Variants in EXOC6B observed in about 807,000 individuals in gnomAD.
The protein encoded by EXOC6B is exocyst complex component 6B, also known as SEC15 homolog B.
In EXOC6B, 54 loss-of-function variants were observed where a neutral mutation model predicts 113.5. The observed-to-expected ratio is 0.48, with a 90% CI of 0.38 to 0.60. The LOEUF (loss-of-function observed/expected upper bound fraction) is 0.60, where lower values mean the gene tolerates loss of function less well. Ranked by LOEUF, EXOC6B falls within the 20% of genes least tolerant of loss-of-function variation. The pLI, the probability that EXOC6B is intolerant of heterozygous loss-of-function variation, is 0.00. For missense variants in EXOC6B, 797 were observed against 977.5 expected, an observed-to-expected ratio of 0.82 and a Z score of 2.46; for synonymous variants, 357 against 339.0, an observed-to-expected ratio of 1.05 and a Z score of -0.58.
At chr2:72,771,086 T>G (rs1683381681) in intron 1 of EXOC6B, among the ~76,000 whole-genome samples, 2 of 152,134 alleles carry the variant, frequency 1.3e-5, no homozygotes, top group Admixed American at 6.6e-5. Context: ...ATAAAGAGTA[T>G]CCTCTGAAAA....
chr2:72,556,070 C>G (rs914631821), intron 8 of EXOC6B, among the ~76,000 whole-genome samples: 17 of 152,194 alleles, frequency 1.1e-4, no homozygotes, highest in South Asian at 2.1e-4. Flanking sequence ...AAAGCAATGG[C>G]TACTAAAAGA....
At chr2:72,646,144 A>G (rs1172283002) in intron 6 of EXOC6B, among the ~76,000 whole-genome samples, 2 of 152,202 alleles carry the variant, frequency 1.3e-5, no homozygotes, top group Non-Finnish European at 2.9e-5. Context: ...ACAAACTACC[A>G]TCAGAGAATA....
At chr2:72,658,085 G>A (rs1674722587) in intron 6 of EXOC6B, among the ~76,000 whole-genome samples, 1 of 150,626 alleles carries the variant, frequency 6.6e-6, no homozygotes, top group South Asian at 2.1e-4. Context: ...ATCCAGTCCA[G>A]CTCTTTAAGT....
intron 6 of EXOC6B, among the ~76,000 whole-genome samples, chr2:72,601,214 ACT>A (rs1289094763): frequency 6.8e-6 from 1 of 146,868 alleles, no homozygotes. Flanking sequence ...ACGGAGACTC[ACT>A]CTGTCACCCA....
chr2:72,443,211 T>G (rs376644309), intron 18 of EXOC6B, among the ~76,000 whole-genome samples: 13 of 151,112 alleles, frequency 8.6e-5, no homozygotes, highest in African/African-American at 2.4e-4. Context: ...TAGTTCCAGC[T>G]ACTCAGGAGG....
At chr2:72,395,388 C>T (rs1692659638) in intron 18 of EXOC6B, among the ~76,000 whole-genome samples, 1 of 152,132 alleles carries the variant, frequency 6.6e-6, no homozygotes, top group Non-Finnish European at 1.5e-5. Context: ...AGCATTTCTC[C>T]TCCCAAACAC....
At chr2:72,609,541 T>C (rs567879307) in intron 6 of EXOC6B, among the ~76,000 whole-genome samples, 5 of 148,528 alleles carry the variant, frequency 3.4e-5, no homozygotes, top group African/African-American at 1.0e-4. Flanking sequence ...AAAAGTAGAC[T>C]AAACAAACCA....
chr2:72,379,748 C>G lies in EXOC6B; in HGVS notation c.2103G>C (p.Leu701Phe). Residue 701 changes from leucine to phenylalanine, a missense_variant, in exon 19 of 22, where the codon TTG becomes TTC. Leu to Phe is a conservative substitution (Grantham distance 22). Transcript: ENST00000272427. ...TCTTACGTTCACATTCTCTGACGTC[C>G]AAGTTGAACTGCTGTAATGCTCCCA... The part of the protein sequence containing the change: ...LTLGALQQFN[L>F]DVRECEQFAR... The G allele has an allele frequency of 6.2e-7, 1 of 1,611,498 alleles. No homozygotes were observed. Among genetic ancestry groups the G allele is most frequent in the South Asian group, 1.1e-5 (1 of 90,510 alleles).
At chr2:72,180,407 G>A (rs1277469719) in intron 21 of EXOC6B, among the ~76,000 whole-genome samples, 1 of 152,096 alleles carries the variant, frequency 6.6e-6, no homozygotes, top group Non-Finnish European at 1.5e-5. Flanking sequence ...CCCTGCAGAG[G>A]GCCCACAACC....
chr2:72,206,167 C>A (rs13417114), intron 20 of EXOC6B, among the ~76,000 whole-genome samples: 32,035 of 152,026 alleles, frequency 0.21, 3,559 homozygotes, highest in African/African-American at 0.25. Context: ...CCTATTTTAC[C>A]GATAAGGTAA....
rs913021769 is a variant in EXOC6B, at chr2:72,319,076, G to C, written c.2196+15871C>G. On this transcript the variant is annotated intron_variant, in intron 20 of 21. Coordinates refer to ENST00000272427, the MANE Select transcript of EXOC6B (RefSeq NM_015189.3). ...TCTTATATAAATAATTTACATTAAG[G>C]AGTAATTCAGATTAAAAGGCTTTAG... is the stretch of plus-strand genomic sequence containing the variant. Among the ~76,000 whole-genome samples the C allele has an allele frequency of 3.3e-5, 5 of 151,742 alleles. No homozygotes were observed. The South Asian group carries it at 1.0e-3, about 32-fold the overall frequency.
At chr2:72,227,899 C>T (rs1681344022) in intron 20 of EXOC6B, among the ~76,000 whole-genome samples, 1 of 152,102 alleles carries the variant, frequency 6.6e-6, no homozygotes, top group Non-Finnish European at 1.5e-5. Flanking sequence ...TAGTGTTACA[C>T]AACTAATGTG....
At chr2:72,427,638 T>C (rs1695278867) in intron 18 of EXOC6B, among the ~76,000 whole-genome samples, 1 of 152,204 alleles carries the variant, frequency 6.6e-6, no homozygotes, top group South Asian at 2.1e-4. Context: ...AACTCAGCAC[T>C]GGCTTGCAGG....
At chr2:72,254,681 T>C (rs1410006343) in intron 20 of EXOC6B, among the ~76,000 whole-genome samples, 2 of 152,132 alleles carry the variant, frequency 1.3e-5, no homozygotes. Context: ...AAAGCCTAGA[T>C]TGAAGATATT....
intron 16 of EXOC6B, among the ~76,000 whole-genome samples, chr2:72,481,767 G>C (rs1322876322): frequency 6.6e-6 from 1 of 151,848 alleles, no homozygotes; most frequent in East Asian, 1.9e-4. Flanking sequence ...ATATTCTGTT[G>C]TCAACACTAT....
At chr2:72,441,312 A>G (rs1293827604) in intron 18 of EXOC6B, among the ~76,000 whole-genome samples, 1 of 152,172 alleles carries the variant, frequency 6.6e-6, no homozygotes, top group African/African-American at 2.4e-5. Flanking sequence ...CAATTTAAAA[A>G]TCTAACATCA....
At chr2:72,518,688 T>C (rs1381091440) in intron 8 of EXOC6B, among the ~76,000 whole-genome samples, 1 of 152,086 alleles carries the variant, frequency 6.6e-6, no homozygotes, top group Non-Finnish European at 1.5e-5. Context: ...CCTAAGAATC[T>C]GAAAGAAGTT....
chr2:72,392,906 G>A (rs1175978751), intron 18 of EXOC6B, among the ~76,000 whole-genome samples: 1 of 151,998 alleles, frequency 6.6e-6, no homozygotes, highest in Non-Finnish European at 1.5e-5. Context: ...CTCTCTCTGT[G>A]GGCCCAATTC....
chr2:72,590,246 A>T (rs1297455188), intron 6 of EXOC6B, among the ~76,000 whole-genome samples: 2 of 152,056 alleles, frequency 1.3e-5, no homozygotes, highest in African/African-American at 4.8e-5. Flanking sequence ...ATCCATTCAT[A>T]TTATACCAGT....
Sources: allele counts gnomAD v4.1 joint callset (sites outside exome capture counted in the v4.1 genomes callset), GRCh38; gene constraint gnomAD v4.1.1; transcripts MANE v1.5; gene names NCBI Gene and HGNC (gene_info 2026-07-23, HGNC 2026-07-21).